Variants in CSRP3 observed in about 807,000 individuals in gnomAD.
The protein encoded by CSRP3 is cysteine and glycine rich protein 3, also known as cysteine and glycine-rich protein 3.
Under a neutral mutation model 24.3 loss-of-function variants are expected in CSRP3, and 24 were observed. The ratio of observed to expected loss-of-function variants is 0.99; its 90% CI spans 0.71 to 1.39. The LOEUF is 1.39. CSRP3 is among the 40% of genes most tolerant of loss of function. CSRP3 has a pLI of 0.00. For missense variants in CSRP3, 240 were observed against 249.0 expected (o/e 0.96, Z 0.24); for synonymous variants, 105 against 94.0 (o/e 1.12, Z -0.68).
intron 2 of CSRP3, among the ~76,000 whole-genome samples, chr11:19,189,506 T>A (rs541083506): frequency 4.6e-5 from 7 of 152,312 alleles, no homozygotes; most frequent in African/African-American, 1.7e-4. Flanking sequence ...ATTTGCCTTT[T>A]AAAAAAACAT....
intron 1 of CSRP3, among the ~76,000 whole-genome samples, chr11:19,192,811 T>C (rs1850638094): frequency 6.6e-6 from 1 of 152,170 alleles, no homozygotes; most frequent in Non-Finnish European, 1.5e-5. Context: ...GTTTTTTTTT[T>C]CATCTCAAGT....
At chr11:19,192,316 C>A (rs1161619121) in intron 2 of CSRP3, 21 bp downstream of exon 2, 6 of 1,586,402 alleles carry the variant, frequency 3.8e-6, no homozygotes, top group Non-Finnish European at 4.3e-6. Flanking sequence ...GAGGGGCCCC[C>A]AGGGTGTCCA....
At chr11:19,183,481 A>G (rs1021204268) in intron 5 of CSRP3, among the ~76,000 whole-genome samples, 1 of 152,126 alleles carries the variant, frequency 6.6e-6, no homozygotes, top group African/African-American at 2.4e-5. Context: ...TCACCCATCA[A>G]GCCTCAGAGG....
At chr11:19,186,489 C>T (rs1245747452) in intron 3 of CSRP3, 141 bp from the exon 4 acceptor site, 1 of 1,126,700 alleles carries the variant, frequency 8.9e-7, no homozygotes, top group East Asian at 2.4e-5. Context: ...TGGTGTCTTT[C>T]TCATAGCGTT....
intron 2 of CSRP3, 91 bp downstream of exon 2, chr11:19,192,246 G>T: frequency 1.1e-6 from 1 of 885,110 alleles, no homozygotes; most frequent in Non-Finnish European, 1.9e-6. Context: ...CACACTATGA[G>T]AACCACTGGC....
At chr11:19,190,046 C>G (rs1369915649) in intron 2 of CSRP3, among the ~76,000 whole-genome samples, 2 of 152,234 alleles carry the variant, frequency 1.3e-5, no homozygotes, top group Non-Finnish European at 2.9e-5. Flanking sequence ...GAATTTAGCA[C>G]AAGGCCTGGG....
At chr11:19,200,837 T>G (rs1033032575) in intron 1 of CSRP3, among the ~76,000 whole-genome samples, 1 of 152,170 alleles carries the variant, frequency 6.6e-6, no homozygotes, top group African/African-American at 2.4e-5. Context: ...CATCCCCAAT[T>G]TCCCACTCTT....
chr11:19,187,336 A>G (rs1850543063), intron 3 of CSRP3, among the ~76,000 whole-genome samples: 1 of 152,202 alleles, frequency 6.6e-6, no homozygotes, highest in South Asian at 2.1e-4. Context: ...GATTCCTCAG[A>G]TGGCTGAAGT....
rs753711278 is a variant in CSRP3 at position 19,186,295 on chromosome 11, G to T, written c.335C>A (p.Ala112Glu). 6.2e-6 allele frequency: 10 copies of T among 1,614,170 alleles called. No homozygotes were observed. The highest frequency in any genetic ancestry group is 1.3e-5 in the African/African-American group (1 of 75,038). Residue 112 changes from alanine to glutamate, a missense_variant, in exon 4 of 6, where the codon GCG becomes GAG. By Grantham distance (107) the Ala-to-Glu change is moderately radical. Coordinates refer to ENST00000265968, the MANE Select transcript of CSRP3 (RefSeq NM_003476.5). ...GCACTTCTCGGACTCTCCAAACTTC[G>T]CAGTGAATTTGGAAGGGTTGCTGGT... The part of the protein sequence containing the change: ...VTTSNPSKFT[A>E]KFGESEKCPR...
At chr11:19,192,529 C>A (rs1850633857) in intron 1 of CSRP3, 53 bp from the exon 2 acceptor site, 1 of 1,133,304 alleles carries the variant, frequency 8.8e-7, no homozygotes, top group Admixed American at 1.8e-5. Flanking sequence ...AGGAGTGAAC[C>A]AATCTCTAAG....
intron 3 of CSRP3, among the ~76,000 whole-genome samples, chr11:19,187,001 G>A (rs1850537325): frequency 6.6e-6 from 1 of 152,234 alleles, no homozygotes. Context: ...AGGCAGGGCT[G>A]GTTGGAGGAG....
chr11:19,188,117 G>A lies in CSRP3; in HGVS notation c.281+19C>T. On this transcript the variant is annotated intron_variant, in intron 3 of 5. Coordinates refer to ENST00000265968, the MANE Select transcript of CSRP3 (RefSeq NM_003476.5). ...ATTGGAGACTTTAACAGGCAAGGGGGAGCAGGGCAGTAACTCACTGTTGGA... is the reference window on the plus strand; with the variant it reads ...ATTGGAGACTTTAACAGGCAAGGGGAAGCAGGGCAGTAACTCACTGTTGGA... 1 of 1,614,110 alleles carries A rather than the reference G, an allele frequency of 6.2e-7. No individual in the cohort carries two copies. The highest frequency in any genetic ancestry group is 8.5e-7 in the Non-Finnish European group (1 of 1,179,986).
intron 1 of CSRP3, among the ~76,000 whole-genome samples, chr11:19,193,922 A>G (rs148783540): frequency 6.6e-6 from 1 of 152,374 alleles, no homozygotes; most frequent in Admixed American, 6.5e-5. Flanking sequence ...AACTAAAATA[A>G]GCCATTGATG....
Position 19,182,686 on chromosome 11 carries a change from A to G in CSRP3, c.569T>C (p.Val190Ala). ...CGCACCTCTTCATTCTTTCTTTTCC[A>G]CTTGTTGTGTAAGGCCTCCAAACCC... is the stretch of plus-strand genomic sequence containing the variant. ...GIGFGGLTQQ[V>A]EKKE Residue 190 changes from valine to alanine, a missense_variant, in exon 6 of 6, where the codon GTG becomes GCG. Physicochemically the swap from Val to Ala is moderately conservative, Grantham distance 64. Transcript: ENST00000265968. 1 of 1,614,004 alleles carries G rather than the reference A, an allele frequency of 6.2e-7. No individual in the cohort carries two copies. Among genetic ancestry groups the G allele is most frequent in the Non-Finnish European group, 8.5e-7 (1 of 1,179,954 alleles).
chr11:19,193,804 C>T (rs1850652856), intron 1 of CSRP3, among the ~76,000 whole-genome samples: 1 of 152,000 alleles, frequency 6.6e-6, no homozygotes, highest in Non-Finnish European at 1.5e-5. Flanking sequence ...GGCAACAGAG[C>T]GAGACTCCGT....
intron 5 of CSRP3, among the ~76,000 whole-genome samples, chr11:19,184,150 G>A (rs78274049): frequency 0.011 from 1,713 of 152,282 alleles, 18 homozygotes; most frequent in Non-Finnish European, 0.015. Flanking sequence ...GACTTATAAA[G>A]TCTTCTCTCT....
chr11:19,198,215 C>A (rs1187169385), intron 1 of CSRP3, among the ~76,000 whole-genome samples: 1 of 152,194 alleles, frequency 6.6e-6, no homozygotes, highest in East Asian at 1.9e-4. Flanking sequence ...CAAGGTCACA[C>A]AGCTAGTAAT....
intron 5 of CSRP3, among the ~76,000 whole-genome samples, chr11:19,183,932 A>G (rs759230443): frequency 6.6e-5 from 10 of 152,194 alleles, no homozygotes; most frequent in Non-Finnish European, 1.3e-4. Context: ...GGTTTTATAA[A>G]GGGCAGTTCT....
chr11:19,199,938 A>C (rs931173862), intron 1 of CSRP3, among the ~76,000 whole-genome samples: 9 of 152,228 alleles, frequency 5.9e-5, no homozygotes, highest in South Asian at 4.1e-4. Context: ...GTAACTGGAA[A>C]TCTGTCTGCC....
Sources: gnomAD v4.1 joint callset for allele counts (sites outside exome capture counted in the v4.1 genomes callset) on GRCh38, gnomAD v4.1.1 for gene constraint, MANE v1.5 for transcripts, NCBI Gene and HGNC (gene_info 2026-07-23, HGNC 2026-07-21) for gene names.